PIP4K2A: variants seen among roughly 807,000 people sequenced by gnomAD.
PIP4K2A encodes the protein phosphatidylinositol-5-phosphate 4-kinase type 2 alpha.
Under a neutral mutation model 42.9 loss-of-function variants are expected in PIP4K2A, and 14 were observed. That is an observed-to-expected ratio of 0.33 (90% CI 0.22 to 0.51). The LOEUF (loss-of-function observed/expected upper bound fraction) is 0.51, where lower values mean the gene tolerates loss of function less well. Among genes scored for constraint, PIP4K2A ranks in the 20% least tolerant of loss-of-function variants. The pLI, the probability that PIP4K2A is intolerant of heterozygous loss-of-function variation, is 0.97. For synonymous variants in PIP4K2A, 192 were observed against 192.2 expected, an observed-to-expected ratio of 1.00 and a Z score of 0.01; for missense variants, 434 against 519.8, an observed-to-expected ratio of 0.83 and a Z score of 1.61.
rs12264865 is a variant in PIP4K2A at position 22,666,361 on chromosome 10, C to T, written c.144+47822G>A. 5.6e-3 allele frequency among the ~76,000 whole-genome samples: 847 copies of T among 152,222 alleles called. 4 individuals are homozygous for T. Among genetic ancestry groups the T allele is most frequent in the African/African-American group, 0.019 (797 of 41,524 alleles). ...CATCTAAACTCCAGGGGGAGAAAAA[C>T]GTACCCTCATATAAAAGTCACGGGA... is the stretch of plus-strand genomic sequence containing the variant. On this transcript the variant is annotated intron_variant, in intron 1 of 9. Coordinates refer to ENST00000376573, the MANE Select transcript of PIP4K2A (RefSeq NM_005028.5).
At chr10:22,592,314 A>G (rs1213946368) in intron 3 of PIP4K2A, among the ~76,000 whole-genome samples, 1 of 152,228 alleles carries the variant, frequency 6.6e-6, no homozygotes, top group African/African-American at 2.4e-5. Context: ...CATATAGCTA[A>G]TAAGGGAAGA....
chr10:22,635,297 C>G (rs1475502609), intron 1 of PIP4K2A, among the ~76,000 whole-genome samples: 1 of 152,262 alleles, frequency 6.6e-6, no homozygotes, highest in African/African-American at 2.4e-5. Flanking sequence ...AACCGTCCTG[C>G]TCTGGTGCCA....
intron 1 of PIP4K2A, among the ~76,000 whole-genome samples, chr10:22,643,520 G>A (rs1413640019): frequency 6.6e-6 from 1 of 152,124 alleles, no homozygotes; most frequent in Non-Finnish European, 1.5e-5. Flanking sequence ...CTAGCCACCA[G>A]CTCGCTCCAT....
intron 1 of PIP4K2A, among the ~76,000 whole-genome samples, chr10:22,651,717 G>T (rs1424221521): frequency 6.6e-6 from 1 of 152,232 alleles, no homozygotes; most frequent in African/African-American, 2.4e-5. Flanking sequence ...AGTGGAACCG[G>T]TGAGAGCAAG....
intron 1 of PIP4K2A, among the ~76,000 whole-genome samples, chr10:22,631,488 C>T (rs1238758815): frequency 6.6e-6 from 1 of 152,184 alleles, no homozygotes; most frequent in Non-Finnish European, 1.5e-5. Flanking sequence ...AAACCGAACC[C>T]TGTCAGAACC....
intron 1 of PIP4K2A, among the ~76,000 whole-genome samples, chr10:22,626,462 A>G (rs952552855): frequency 6.6e-6 from 1 of 152,264 alleles, no homozygotes; most frequent in Non-Finnish European, 1.5e-5. Context: ...TATTGTATTC[A>G]GAACACGAGG....
At chr10:22,664,262 CACACACAT>C (rs1407899649) in intron 1 of PIP4K2A, among the ~76,000 whole-genome samples, 21 of 125,862 alleles carry the variant, frequency 1.7e-4, no homozygotes, top group African/African-American at 2.8e-4. Context: ...TATATATATA[CACACACAT>C]ACACACATAC....
chr10:22,645,712 G>T (rs1838866190), intron 1 of PIP4K2A, among the ~76,000 whole-genome samples: 1 of 149,784 alleles, frequency 6.7e-6, no homozygotes, highest in Admixed American at 6.6e-5. Context: ...CTGAGACAGG[G>T]TCTCACTCAG....
chr10:22,548,008 A>G (rs1234994098), intron 7 of PIP4K2A, among the ~76,000 whole-genome samples: 1 of 152,246 alleles, frequency 6.6e-6, no homozygotes, highest in Non-Finnish European at 1.5e-5. Context: ...CATTAAGGAA[A>G]AACAGCAACA....
At chr10:22,631,511 T>C (rs1838547448) in intron 1 of PIP4K2A, among the ~76,000 whole-genome samples, 1 of 152,142 alleles carries the variant, frequency 6.6e-6, no homozygotes, top group Non-Finnish European at 1.5e-5. Context: ...GATCTTGAAC[T>C]TTCCAGCTTC....
chr10:22,712,915 T>G (rs7904563), intron 1 of PIP4K2A, among the ~76,000 whole-genome samples: 2,441 of 117,366 alleles, frequency 0.021, 55 homozygotes, highest in African/African-American at 0.13. Flanking sequence ...ACATTGAGGG[T>G]GTGTGTGTGT....
intron 1 of PIP4K2A, among the ~76,000 whole-genome samples, chr10:22,689,496 T>C (rs1281333959): frequency 6.6e-6 from 1 of 152,178 alleles, no homozygotes; most frequent in African/African-American, 2.4e-5. Context: ...GGCAACTATG[T>C]ACATAGCACT....
intron 4 of PIP4K2A, among the ~76,000 whole-genome samples, chr10:22,582,703 A>AGGAAGGGAAGGAAAAGGAAG (rs1837306310): frequency 1.3e-5 from 2 of 152,148 alleles, no homozygotes; most frequent in African/African-American, 4.8e-5. Flanking sequence ...GGAAAGGGAA[A>AGGAAGGGAAGGAAAAGGAAG]GGAAGGGAAG....
chr10:22,687,507 TTAAA>T (rs774534622), intron 1 of PIP4K2A, among the ~76,000 whole-genome samples: 47 of 151,964 alleles, frequency 3.1e-4, no homozygotes, highest in South Asian at 4.2e-4. Context: ...GGGATTTTTG[TTAAA>T]TAAATAGGTT....
chr10:22,537,298 A>C lies in PIP4K2A; in HGVS notation c.1141-17T>G, dbSNP rs945888550. The C allele has an allele frequency of 5.1e-6, 8 of 1,569,786 alleles. No individual in the cohort carries two copies. Among genetic ancestry groups the C allele is most frequent in the African/African-American group, 2.7e-5 (2 of 73,544 alleles). ...CGCGCCAGCCTGGGCAGTTTTTAAA[A>C]AAGGAAATATTGACATAGTGTTTAT... On this transcript the variant is annotated splice_polypyrimidine_tract_variant and intron_variant, in intron 9 of 9. Transcript: ENST00000376573.
At chr10:22,668,678 T>C (rs975522687) in intron 1 of PIP4K2A, among the ~76,000 whole-genome samples, 1 of 152,212 alleles carries the variant, frequency 6.6e-6, no homozygotes, top group South Asian at 2.1e-4. Flanking sequence ...GCCCACAATG[T>C]AAATGAAATA....
At chr10:22,586,012 T>C (rs1411837887) in intron 4 of PIP4K2A, among the ~76,000 whole-genome samples, 1 of 152,240 alleles carries the variant, frequency 6.6e-6, no homozygotes, top group Non-Finnish European at 1.5e-5. Context: ...GATATTCAAG[T>C]AGGCAAATAG....
intron 1 of PIP4K2A, among the ~76,000 whole-genome samples, chr10:22,635,589 T>A (rs988008772): frequency 6.6e-6 from 1 of 152,138 alleles, no homozygotes; most frequent in Non-Finnish European, 1.5e-5. Flanking sequence ...CAAGAGAGCA[T>A]GTCATTACAC....
chr10:22,604,642 C>T (rs1318359132), intron 3 of PIP4K2A, among the ~76,000 whole-genome samples: 1 of 152,144 alleles, frequency 6.6e-6, no homozygotes, highest in Non-Finnish European at 1.5e-5. Context: ...CAAAAAGCAG[C>T]TCACATTGAT....
Sources: gnomAD v4.1 joint callset for allele counts (sites outside exome capture counted in the v4.1 genomes callset) on GRCh38, gnomAD v4.1.1 for gene constraint, MANE v1.5 for transcripts, NCBI Gene and HGNC (gene_info 2026-07-23, HGNC 2026-07-21) for gene names.